Variants in TTLL5 observed in about 807,000 individuals in gnomAD.
TTLL5 encodes tubulin tyrosine ligase like 5.
Under a neutral mutation model 168.4 loss-of-function variants are expected in TTLL5, and 132 were observed. The observed-to-expected ratio is 0.78, with a 90% CI of 0.68 to 0.91. TTLL5 has a LOEUF of 0.91. Ranked by LOEUF, TTLL5 falls within the 40% of genes least tolerant of loss-of-function variation. TTLL5 has a pLI of 0.00. For missense variants in TTLL5, 1,545 were observed against 1,581.5 expected (o/e 0.98, Z 0.39); for synonymous variants, 546 against 558.6 (o/e 0.98, Z 0.32).
chr14:75,934,560 A>G (rs528285056), intron 31 of TTLL5, among the ~76,000 whole-genome samples: 1 of 152,326 alleles, frequency 6.6e-6, no homozygotes, highest in East Asian at 1.9e-4. Flanking sequence ...GAGAAAAGGT[A>G]TTATCAATAA....
At chr14:75,844,232 A>G (rs1405286597) in intron 28 of TTLL5, among the ~76,000 whole-genome samples, 1 of 152,178 alleles carries the variant, frequency 6.6e-6, no homozygotes, top group Non-Finnish European at 1.5e-5. Context: ...TGTATGAGGT[A>G]TGAGATTTTG....
chr14:75,680,223 G>A (rs952585500), intron 3 of TTLL5, among the ~76,000 whole-genome samples: 2 of 152,152 alleles, frequency 1.3e-5, no homozygotes, highest in Admixed American at 6.5e-5. Flanking sequence ...CAGACTTTCC[G>A]CTCCCATAGT....
At chr14:75,701,181 T>C (rs1270083190) in intron 7 of TTLL5, among the ~76,000 whole-genome samples, 2 of 152,226 alleles carry the variant, frequency 1.3e-5, no homozygotes, top group African/African-American at 4.8e-5. Flanking sequence ...GCTTTATTTT[T>C]ATTTACAAAT....
chr14:75,744,935 T>A (rs1889508774), intron 15 of TTLL5, among the ~76,000 whole-genome samples, 160 bp from the exon 16 acceptor site: 1 of 152,232 alleles, frequency 6.6e-6, no homozygotes, highest in Non-Finnish European at 1.5e-5. Flanking sequence ...TCGTCTGTTT[T>A]CCAGGGTTCC....
At chr14:75,683,711 T>G in intron 5 of TTLL5, 55 bp downstream of exon 5, 5 of 1,404,594 alleles carry the variant, frequency 3.6e-6, no homozygotes, top group Non-Finnish European at 5.0e-6. Flanking sequence ...CATTGGGGCA[T>G]GTAGCCAGCA....
intron 30 of TTLL5, among the ~76,000 whole-genome samples, chr14:75,888,160 G>A (rs1309976896): frequency 6.6e-6 from 1 of 152,190 alleles, no homozygotes; most frequent in Non-Finnish European, 1.5e-5. Context: ...CCTCAGTGGT[G>A]GCATTAGGAG....
At chr14:75,817,355 T>C (rs187708708) in intron 27 of TTLL5, among the ~76,000 whole-genome samples, 1 of 152,240 alleles carries the variant, frequency 6.6e-6, no homozygotes, top group African/African-American at 2.4e-5. Context: ...TGATAAGTCA[T>C]ATATGGCCGG....
In TTLL5 at chr14:75,749,813, C is replaced by T. The variant is rs541352459; in HGVS notation, c.1488-3080C>T. On this transcript the variant is annotated intron_variant, in intron 17 of 31. Coordinates refer to ENST00000298832, the MANE Select transcript of TTLL5 (RefSeq NM_015072.5). ...TATTTTATTAGTACACATATATTAT[C>T]AACAAATGTCTACATTATGCTTGGT... Among the ~76,000 whole-genome samples the T allele has an allele frequency of 2.6e-5, 4 of 152,124 alleles. No homozygotes were observed. In the South Asian group the frequency reaches 8.3e-4, roughly 32 times the overall value.
intron 31 of TTLL5, among the ~76,000 whole-genome samples, chr14:75,928,620 C>T (rs2034166370): frequency 6.6e-6 from 1 of 151,930 alleles, no homozygotes; most frequent in African/African-American, 2.4e-5. Context: ...AAAAAGACAA[C>T]TTCCTAATGG....
At chr14:75,795,299 A>G (rs1281593036) in intron 27 of TTLL5, among the ~76,000 whole-genome samples, 1 of 152,226 alleles carries the variant, frequency 6.6e-6, no homozygotes, top group Admixed American at 6.5e-5. Flanking sequence ...TTCAGCCATA[A>G]AAGGCTTTCA....
intron 27 of TTLL5, among the ~76,000 whole-genome samples, chr14:75,808,183 C>T (rs962162449): frequency 1.3e-5 from 2 of 152,130 alleles, no homozygotes; most frequent in Non-Finnish European, 2.9e-5. Context: ...AAATCTTGAT[C>T]TGGAACTCTG....
At chr14:75,871,462 T>C (rs1043868838) in intron 29 of TTLL5, among the ~76,000 whole-genome samples, 3 of 152,194 alleles carry the variant, frequency 2.0e-5, no homozygotes, top group African/African-American at 7.2e-5. Flanking sequence ...CACGACAGAA[T>C]TGACTCTTCG....
chr14:75,841,404 A>G (rs1370237409), intron 28 of TTLL5, among the ~76,000 whole-genome samples: 2 of 152,268 alleles, frequency 1.3e-5, no homozygotes, highest in Admixed American at 6.5e-5. Context: ...TACTTAGAAT[A>G]CAGTTTTTGG....
chr14:75,666,250 CATCTGTTAG>C (rs2140082314), intron 2 of TTLL5, among the ~76,000 whole-genome samples: 1 of 152,344 alleles, frequency 6.6e-6, no homozygotes, highest in East Asian at 1.9e-4. Context: ...TATCCATGGA[CATCTGTTAG>C]ATCTGCTCAG....
intron 31 of TTLL5, among the ~76,000 whole-genome samples, chr14:75,905,163 TG>T (rs1156514086): frequency 1.3e-5 from 2 of 152,228 alleles, no homozygotes; most frequent in African/African-American, 4.8e-5. Context: ...CACCTCTCCC[TG>T]AGACCTGGGA....
At chr14:75,757,376 A>G (rs1890341862) in intron 18 of TTLL5, among the ~76,000 whole-genome samples, 1 of 152,178 alleles carries the variant, frequency 6.6e-6, no homozygotes, top group East Asian at 1.9e-4. Context: ...TTCCTAAAAC[A>G]GTTCAGTGAA....
At chr14:75,777,774 C>T (rs1268120577) in intron 23 of TTLL5, among the ~76,000 whole-genome samples, 1 of 152,102 alleles carries the variant, frequency 6.6e-6, no homozygotes, top group Non-Finnish European at 1.5e-5. Flanking sequence ...GCTTATCAAT[C>T]ACCAGCATAA....
chr14:75,764,457 C>T (rs1048881946), intron 18 of TTLL5, among the ~76,000 whole-genome samples, 158 bp from the exon 19 acceptor site: 7 of 152,064 alleles, frequency 4.6e-5, no homozygotes, highest in Non-Finnish European at 8.8e-5. Context: ...GAGGTTTTAA[C>T]GTAGATTCTA....
chr14:75,880,860 C>T (rs1244125332), intron 29 of TTLL5, among the ~76,000 whole-genome samples: 1 of 152,194 alleles, frequency 6.6e-6, no homozygotes, highest in Admixed American at 6.5e-5. Flanking sequence ...TGTACATGCT[C>T]AACAGTGCTG....
Sources: gnomAD v4.1 joint callset for allele counts (sites outside exome capture counted in the v4.1 genomes callset) on GRCh38, gnomAD v4.1.1 for gene constraint, MANE v1.5 for transcripts, NCBI Gene and HGNC (gene_info 2026-07-23, HGNC 2026-07-21) for gene names.